The following L3MBTL3 variants were observed in gnomAD, a reference collection of about 807,000 sequenced individuals.
L3MBTL3 encodes the protein lethal(3)malignant brain tumor-like protein 3.
In L3MBTL3, 27 loss-of-function variants were observed where a neutral mutation model predicts 102.3. The observed-to-expected ratio is 0.26, with a 90% CI of 0.19 to 0.36. The LOEUF is 0.36. L3MBTL3 is among the 10% of genes least tolerant of loss of function. L3MBTL3 has a pLI of 1.00. For missense variants in L3MBTL3, 798 were observed against 955.3 expected, an observed-to-expected ratio of 0.84 and a Z score of 2.17; for synonymous variants, 340 against 320.9, an observed-to-expected ratio of 1.06 and a Z score of -0.64.
At chr6:130,130,689 C>A (rs1052415147) in intron 20 of L3MBTL3, among the ~76,000 whole-genome samples, 67 of 152,216 alleles carry the variant, frequency 4.4e-4, no homozygotes, top group African/African-American at 1.6e-3. Context: ...AGGACCTGCA[C>A]CTTTGAGGTT....
intron 22 of L3MBTL3, among the ~76,000 whole-genome samples, chr6:130,136,392 C>T (rs1189028687): frequency 6.6e-6 from 1 of 152,132 alleles, no homozygotes. Context: ...TACGTGCTGG[C>T]CTCCTTGCTC....
Position 130,049,839 on chromosome 6 carries a change from A to C in L3MBTL3, c.289+9A>C, listed in dbSNP as rs200439334. ...ACCTGGATGTCCCACAGGTACCTCA[A>C]ACTCCACATGTCTGAAATGCAATTC... On this transcript the variant is annotated intron_variant, in intron 5 of 22. Transcript: ENST00000361794. The C allele has an allele frequency of 5.1e-4, 816 of 1,609,446 alleles. No homozygotes were observed. Among genetic ancestry groups the C allele is most frequent in the Non-Finnish European group, 6.6e-4 (778 of 1,178,244 alleles).
chr6:130,045,294 C>T (rs1049217408), intron 3 of L3MBTL3, among the ~76,000 whole-genome samples: 2 of 152,132 alleles, frequency 1.3e-5, no homozygotes, highest in African/African-American at 4.8e-5. Context: ...TAGTTGAAGC[C>T]TTCACACGCT....
chr6:130,129,556 A>C (rs886600043), intron 20 of L3MBTL3, among the ~76,000 whole-genome samples: 12 of 152,174 alleles, frequency 7.9e-5, no homozygotes, highest in African/African-American at 2.7e-4. Context: ...TTTTTTACTC[A>C]CTGTGGAAGC....
At chr6:130,034,584 T>C (rs527249673) in intron 2 of L3MBTL3, among the ~76,000 whole-genome samples, 3 of 152,366 alleles carry the variant, frequency 2.0e-5, no homozygotes, top group Admixed American at 2.0e-4. Flanking sequence ...CCTATCGCTT[T>C]CATAAACATC....
Position 130,133,746 on chromosome 6 carries a change from G to T in L3MBTL3, c.2137-97G>T, listed in dbSNP as rs1472205213. 1 of 1,462,080 alleles carries T rather than the reference G, an allele frequency of 6.8e-7. No individual in the cohort carries two copies. The highest frequency in any genetic ancestry group is 1.2e-5 in the South Asian group (1 of 84,716). The allele number at this position is 1,462,080 out of a possible 1,614,324, so 90.6% of individuals were successfully genotyped here. Reference sequence around the variant, plus strand: ...TGAAAGAGAAGAAATTATTGTGAGAGAAATAACTAATGCATATGGGTTAAA... The same window carrying T: ...TGAAAGAGAAGAAATTATTGTGAGATAAATAACTAATGCATATGGGTTAAA... On this transcript the variant is annotated intron_variant, in intron 21 of 22. Coordinates refer to ENST00000361794, the MANE Select transcript of L3MBTL3 (RefSeq NM_032438.4). This position sits in a 1 kb window ranked among gnomAD's most constrained non-coding sequence, Gnocchi z 4.9.
At chr6:130,072,691 G>A (rs1782713127) in intron 13 of L3MBTL3, among the ~76,000 whole-genome samples, 2 of 151,806 alleles carry the variant, frequency 1.3e-5, no homozygotes, top group Admixed American at 1.3e-4. Flanking sequence ...CCCAACTCTG[G>A]GATTGTTTCG....
At chr6:130,132,107 A>G (rs1787112622) in intron 20 of L3MBTL3, among the ~76,000 whole-genome samples, 1 of 152,200 alleles carries the variant, frequency 6.6e-6, no homozygotes, top group Admixed American at 6.5e-5. Flanking sequence ...CAAATTAAAA[A>G]CAACTCAGAT....
chr6:130,097,969 AG>A, intron 18 of L3MBTL3, among the ~76,000 whole-genome samples: 1 of 152,258 alleles, frequency 6.6e-6, no homozygotes, highest in Middle Eastern at 3.4e-3. Context: ...CCGGAGGCTG[AG>A]GCAGGAGAAT....
chr6:130,054,533 G>A (rs1334090281), intron 7 of L3MBTL3, among the ~76,000 whole-genome samples: 15 of 152,216 alleles, frequency 9.9e-5, no homozygotes, highest in Admixed American at 9.8e-4. Context: ...GTCAGAGTGT[G>A]TGAGGAAAAG....
At chr6:130,034,114 C>G (rs1303030423) in intron 2 of L3MBTL3, among the ~76,000 whole-genome samples, 1 of 152,136 alleles carries the variant, frequency 6.6e-6, no homozygotes, top group Non-Finnish European at 1.5e-5. Flanking sequence ...GAACCCAGCT[C>G]GTAGGAGTCC....
At position 130,033,646 on chromosome 6, in the gene L3MBTL3, C is replaced by A. The variant is rs561629100; in HGVS notation, c.-15-9039C>A. Among the ~76,000 whole-genome samples the A allele has an allele frequency of 2.6e-5, 4 of 152,342 alleles. No homozygotes were observed. In the East Asian group the frequency reaches 7.7e-4, roughly 29 times the overall value. ...GATCTCAGGCCTGTTATCTGAATGA[C>A]AGAATTTGAATCTGATTCTCAGATG... On this transcript the variant is annotated intron_variant, in intron 2 of 22. Coordinates refer to ENST00000361794, the MANE Select transcript of L3MBTL3 (RefSeq NM_032438.4).
intron 16 of L3MBTL3, among the ~76,000 whole-genome samples, chr6:130,089,839 C>CAAAAA (rs35333288): frequency 6.8e-6 from 1 of 146,296 alleles, no homozygotes. Context: ...TTTTTCACAG[C>CAAAAA]AAAAAAAAAA....
chr6:130,055,491 T>TCC (rs1781413986), intron 8 of L3MBTL3, among the ~76,000 whole-genome samples: 1 of 125,272 alleles, frequency 8.0e-6, no homozygotes, highest in Non-Finnish European at 1.7e-5. Flanking sequence ...TCCCTCCCTC[T>TCC]CTCCCTCCCT....
intron 20 of L3MBTL3, among the ~76,000 whole-genome samples, chr6:130,121,386 T>C (rs2114260841): frequency 6.6e-6 from 1 of 152,344 alleles, no homozygotes; most frequent in East Asian, 1.9e-4. Context: ...TCCATCCATG[T>C]TCCCGCAGAA....
intron 18 of L3MBTL3, among the ~76,000 whole-genome samples, chr6:130,097,316 C>T (rs942578295): frequency 1.3e-5 from 2 of 152,142 alleles, no homozygotes; most frequent in African/African-American, 4.8e-5. Context: ...TGAGAAAATT[C>T]TCTTTGGATT....
At chr6:130,068,446 C>T in intron 12 of L3MBTL3, 25 bp downstream of exon 12, 1 of 1,338,756 alleles carries the variant, frequency 7.5e-7, no homozygotes, top group Middle Eastern at 1.8e-4. Flanking sequence ...AACACGTTTT[C>T]TTTCAAAGGA....
chr6:130,105,293 G>C (rs1784918664), intron 19 of L3MBTL3, among the ~76,000 whole-genome samples: 1 of 152,148 alleles, frequency 6.6e-6, no homozygotes, highest in African/African-American at 2.4e-5. Context: ...TATTCTGGAT[G>C]AACCTAGTGG....
Position 130,094,348 on chromosome 6 carries a change from A to G in L3MBTL3, c.1717A>G (p.Arg573Gly). ...AGGGATTGGCCATTTCAAGAGAGCG[A>G]GACATCTGGGCCCTCACAGGTATGT... Reference protein sequence around the residue: ...CKGIGHFKRARHLGPHSAANC... With the variant: ...CKGIGHFKRAGHLGPHSAANC... Residue 573 changes from arginine (R) to glycine (G), a missense_variant, in exon 18 of 23, where the codon AGA becomes GGA. Coordinates refer to ENST00000361794, the MANE Select transcript of L3MBTL3 (RefSeq NM_032438.4). 6.2e-7 allele frequency: 1 copy of G among 1,613,686 alleles called. No homozygotes were observed. Among genetic ancestry groups the G allele is most frequent in the Non-Finnish European group, 8.5e-7 (1 of 1,179,676 alleles).
Sources: gnomAD v4.1 joint callset for allele counts (sites outside exome capture counted in the v4.1 genomes callset) on GRCh38, gnomAD v4.1.1 for gene constraint, Gnocchi (gnomAD v3.1) non-coding constraint, MANE v1.5 for transcripts, NCBI Gene and HGNC (gene_info 2026-07-23, HGNC 2026-07-21) for gene names.